MAGT1: variants seen among roughly 807,000 people sequenced by gnomAD.
The protein encoded by MAGT1 is dolichyl-diphosphooligosaccharide--protein glycosyltransferase subunit MAGT1.
MAGT1 carries 4 observed loss-of-function variants against 28.4 expected under a neutral mutation model. The ratio of observed to expected loss-of-function variants is 0.14; its 90% CI spans 0.07 to 0.32. The LOEUF (loss-of-function observed/expected upper bound fraction) is 0.32. Among genes scored for constraint, MAGT1 ranks in the 10% least tolerant of loss-of-function variants. The pLI, the probability that MAGT1 is intolerant of heterozygous loss-of-function variation, is 1.00. For synonymous variants in MAGT1, 89 were observed against 89.7 expected, an observed-to-expected ratio of 0.99 and a Z score of 0.04; for missense variants, 193 against 264.5, an observed-to-expected ratio of 0.73 and a Z score of 1.88.
intron 7 of MAGT1, among the ~76,000 whole-genome samples, chrX:77,849,669 G>A (rs1375550158): frequency 1.8e-5 from 2 of 109,556 alleles, no homozygotes; most frequent in African/African-American, 3.3e-5. Flanking sequence ...TCAGGAGTTC[G>A]AAACCAGCCT....
intron 1 of MAGT1, among the ~76,000 whole-genome samples, chrX:77,878,179 C>T (rs1156310476): frequency 2.9e-5 from 3 of 103,813 alleles, no homozygotes; most frequent in African/African-American, 7.0e-5. Context: ...ATCCCAGGTA[C>T]TCAGGAGGCT....
chrX:77,871,542 T>A (rs1013069770), intron 2 of MAGT1, among the ~76,000 whole-genome samples: 1 of 111,547 alleles, frequency 9.0e-6, no homozygotes, highest in Admixed American at 9.6e-5. Context: ...ACCCTGTCTC[T>A]ATTAAAAATA....
At chrX:77,880,258 G>A (rs1317366700) in intron 1 of MAGT1, among the ~76,000 whole-genome samples, 3 of 109,166 alleles carry the variant, frequency 2.7e-5, no homozygotes, top group Non-Finnish European at 5.7e-5. Context: ...GGCCAGGCGC[G>A]GTGGCTCACG....
At chrX:77,886,287 T>C (rs2077067822) in intron 1 of MAGT1, among the ~76,000 whole-genome samples, 1 of 111,564 alleles carries the variant, frequency 9.0e-6, no homozygotes, top group Admixed American at 9.6e-5. Context: ...TCATAATGGA[T>C]AATAAACTTT....
intron 7 of MAGT1, among the ~76,000 whole-genome samples, chrX:77,852,047 C>A (rs1180461719): frequency 1.8e-5 from 2 of 108,998 alleles, no homozygotes; most frequent in East Asian, 2.9e-4. Flanking sequence ...TACAGGCACC[C>A]GCCACCACGC....
intron 1 of MAGT1, among the ~76,000 whole-genome samples, chrX:77,887,355 C>T (rs2077070644): frequency 8.9e-6 from 1 of 111,805 alleles, no homozygotes; most frequent in Non-Finnish European, 1.9e-5. Context: ...CTTTGGCCTT[C>T]CCAAAGTGTT....
chrX:77,857,772 A>C (rs782273645), intron 3 of MAGT1, among the ~76,000 whole-genome samples: 8 of 111,882 alleles, frequency 7.2e-5, no homozygotes, highest in Non-Finnish European at 1.5e-4. Context: ...TTGCCATACC[A>C]CAGATATTTT....
intron 8 of MAGT1, among the ~76,000 whole-genome samples, chrX:77,831,636 A>C (rs1225870747): frequency 9.7e-6 from 1 of 103,481 alleles, no homozygotes; most frequent in Admixed American, 1.1e-4. Flanking sequence ...TCTGTTGCCC[A>C]GGCTGAAGTG....
At chrX:77,894,397 G>A (rs2077092760) in intron 1 of MAGT1, among the ~76,000 whole-genome samples, 1 of 112,230 alleles carries the variant, frequency 8.9e-6, no homozygotes, top group South Asian at 3.6e-4. Context: ...AAGTAGACAA[G>A]TATCTGAAGT....
chrX:77,883,910 A>G (rs2077060344), intron 1 of MAGT1, among the ~76,000 whole-genome samples: 1 of 111,278 alleles, frequency 9.0e-6, no homozygotes, highest in South Asian at 3.7e-4. Flanking sequence ...AAACTTTTAC[A>G]GGCTGGGAGT....
intron 3 of MAGT1, among the ~76,000 whole-genome samples, chrX:77,864,868 C>T (rs1348809956): frequency 9.0e-6 from 1 of 110,775 alleles, no homozygotes; most frequent in Admixed American, 9.7e-5. Context: ...CCCGACACCA[C>T]ACCTGGCTAA....
At chrX:77,863,275 G>A (rs1489238685) in intron 3 of MAGT1, among the ~76,000 whole-genome samples, 2 of 110,590 alleles carry the variant, frequency 1.8e-5, no homozygotes, top group Admixed American at 1.9e-4. Flanking sequence ...TACTTTGGGA[G>A]GCCGAGGTGG....
At chrX:77,876,134 A>G (rs1317947788) in intron 1 of MAGT1, among the ~76,000 whole-genome samples, 1 of 23,608 alleles carries the variant, frequency 4.2e-5, no homozygotes, top group Non-Finnish European at 6.8e-5. Context: ...CCTGGCCTTT[A>G]TATATATATA....
rs2076890957 is a variant in MAGT1, at chrX:77,829,109, G to GA, written c.*110dup. 2.5e-5 allele frequency: 16 copies of GA among 629,908 alleles called. No homozygotes were observed. In the South Asian group the frequency reaches 3.3e-4, roughly 13 times the overall value. The allele number at this position is 629,908 out of a possible 1,213,427, so 51.9% of individuals were successfully genotyped here. On this transcript the variant is annotated 3_prime_UTR_variant, in exon 10 of 10. Coordinates refer to ENST00000618282, the MANE Select transcript of MAGT1 (RefSeq NM_001367916.1). ...AAATGATTAACTATTTAAATCACTTGAAAAAAAGAGGTAATACAAAATATA... is the reference window on the plus strand; with the variant it reads ...AAATGATTAACTATTTAAATCACTTGAAAAAAAAGAGGTAATACAAAATATA...
chrX:77,845,196 T>A (rs1204621132), intron 7 of MAGT1, among the ~76,000 whole-genome samples: 1 of 111,797 alleles, frequency 8.9e-6, no homozygotes, highest in African/African-American at 3.2e-5. Flanking sequence ...TACCATTATA[T>A]AATGGCCTTC....
At chrX:77,829,503 G>A (rs1464921404) in intron 9 of MAGT1, among the ~76,000 whole-genome samples, 2 of 111,190 alleles carry the variant, frequency 1.8e-5, no homozygotes, top group African/African-American at 6.5e-5. Flanking sequence ...TAGAGATGGG[G>A]TCTCACTGTG....
intron 1 of MAGT1, among the ~76,000 whole-genome samples, chrX:77,879,810 T>G (rs782706897): frequency 9.6e-6 from 1 of 104,267 alleles, no homozygotes; most frequent in African/African-American, 3.5e-5. Context: ...GAAAGTAACA[T>G]GGATTCTAAA....
At chrX:77,851,472 C>A (rs2076968159) in intron 7 of MAGT1, among the ~76,000 whole-genome samples, 1 of 111,217 alleles carries the variant, frequency 9.0e-6, no homozygotes, top group African/African-American at 3.3e-5. Flanking sequence ...CTCCCAGGTT[C>A]AAGCAATTCT....
intron 1 of MAGT1, among the ~76,000 whole-genome samples, chrX:77,880,637 A>G (rs1406684218): frequency 9.1e-6 from 1 of 110,460 alleles, no homozygotes; most frequent in Non-Finnish European, 1.9e-5. Flanking sequence ...CTAAACCCAC[A>G]GAAAAAGATA....
Sources: allele counts gnomAD v4.1 joint callset (sites outside exome capture counted in the v4.1 genomes callset), GRCh38; gene constraint gnomAD v4.1.1; transcripts MANE v1.5; gene names NCBI Gene and HGNC (gene_info 2026-07-23, HGNC 2026-07-21).